USP13: variants seen among roughly 807,000 people sequenced by gnomAD.
USP13 encodes ubiquitin carboxyl-terminal hydrolase 13.
USP13 carries 68 observed loss-of-function variants against 107.8 expected under a neutral mutation model. The observed-to-expected ratio is 0.63, with a 90% CI of 0.52 to 0.77. USP13 has a LOEUF of 0.77. Among genes scored for constraint, USP13 ranks in the 30% least tolerant of loss-of-function variants. USP13 has a pLI of 0.00. For synonymous variants in USP13, 377 were observed against 389.5 expected (o/e 0.97, Z 0.38); for missense variants, 945 against 1,093.3 (o/e 0.86, Z 1.91).
intron 20 of USP13, among the ~76,000 whole-genome samples, chr3:179,783,595 A>G (rs1360992319): frequency 5.3e-5 from 8 of 152,200 alleles, no homozygotes; most frequent in Non-Finnish European, 8.8e-5. Flanking sequence ...CTTTGACTCA[A>G]TTTCTCAGGC....
At chr3:179,765,052 T>A (rs1205771462) in intron 18 of USP13, among the ~76,000 whole-genome samples, 1 of 152,256 alleles carries the variant, frequency 6.6e-6, no homozygotes, top group Non-Finnish European at 1.5e-5. Context: ...CTATACAAAT[T>A]CTTTAACCTG....
At chr3:179,684,642 T>C (rs1269704040) in intron 2 of USP13, among the ~76,000 whole-genome samples, 1 of 152,234 alleles carries the variant, frequency 6.6e-6, no homozygotes, top group African/African-American at 2.4e-5. Context: ...ATATTTTAAC[T>C]TGCTGTTCAC....
intron 19 of USP13, among the ~76,000 whole-genome samples, chr3:179,779,406 C>A (rs1024949102): frequency 1.3e-5 from 2 of 151,772 alleles, no homozygotes; most frequent in Admixed American, 1.3e-4. Flanking sequence ...TGGTGGCACG[C>A]GCCTGTAACA....
At chr3:179,758,968 A>C (rs947783634) in intron 16 of USP13, among the ~76,000 whole-genome samples, 2 of 151,494 alleles carry the variant, frequency 1.3e-5, no homozygotes, top group Non-Finnish European at 2.9e-5. Flanking sequence ...TTTATTTTTC[A>C]CAAAAATGGA....
intron 4 of USP13, among the ~76,000 whole-genome samples, chr3:179,704,551 C>T (rs1009803816): frequency 2.0e-5 from 3 of 152,056 alleles, no homozygotes; most frequent in Non-Finnish European, 4.4e-5. Context: ...CGCTACTGAC[C>T]GATGACACTG....
intron 1 of USP13, among the ~76,000 whole-genome samples, chr3:179,657,604 A>C (rs969918323): frequency 4.0e-5 from 6 of 151,426 alleles, no homozygotes; most frequent in Admixed American, 1.3e-4. Context: ...CTACTAAAAA[A>C]AATACAAAAA....
rs1430582182 is a variant in USP13, at chr3:179,764,016, C to T, written c.2107C>T (p.Leu703=). 1 of 1,611,704 alleles carries T rather than the reference C, an allele frequency of 6.2e-7. No homozygotes were observed. Among genetic ancestry groups the T allele is most frequent in the Admixed American group, 1.7e-5 (1 of 59,694 alleles). Residue 703 remains leucine, a synonymous_variant, in exon 18 of 21, where the codon CTG becomes TTG. Coordinates refer to ENST00000263966, the MANE Select transcript of USP13 (RefSeq NM_003940.3). ...HMEEPDFAEP[L]TMPGYGGAAS... is the part of the protein sequence containing the mutation. ...ATTTTTCTCAGATTTTGCTGAGCCG[C>T]TGACCATGCCTGGTTATGGAGGGGC...
At position 179,701,020 on chromosome 3, in the gene USP13, A is replaced by AT. The variant is rs1712496254; in HGVS notation, c.369dup (p.Asp124Ter). The AT allele has an allele frequency of 6.2e-7, 1 of 1,613,396 alleles. No individual in the cohort carries two copies. The highest frequency in any genetic ancestry group is 1.3e-5 in the African/African-American group (1 of 74,852). ...GTTTTCTCCTCAGATCTAGATACTGATGACGATTTAAATAGCGACGATTAT... is the reference window on the plus strand; with the variant it reads ...GTTTTCTCCTCAGATCTAGATACTGATTGACGATTTAAATAGCGACGATTAT... On this transcript the variant is annotated frameshift_variant, in exon 4 of 21. Coordinates refer to ENST00000263966, the MANE Select transcript of USP13 (RefSeq NM_003940.3). LOFTEE classifies it high-confidence loss of function.
intron 19 of USP13, 73 bp downstream of exon 19, chr3:179,765,921 C>T: frequency 2.0e-6 from 3 of 1,482,596 alleles, no homozygotes; most frequent in Non-Finnish European, 2.7e-6. Flanking sequence ...CCTCCCACCA[C>T]AACATAGTCA....
chr3:179,760,766 C>A (rs1263137905), intron 16 of USP13, among the ~76,000 whole-genome samples: 1 of 152,130 alleles, frequency 6.6e-6, no homozygotes, highest in Non-Finnish European at 1.5e-5. Context: ...GCTTTCTGTT[C>A]AAGTTTCAGT....
intron 3 of USP13, among the ~76,000 whole-genome samples, chr3:179,693,387 A>G (rs994084406): frequency 6.6e-6 from 1 of 152,138 alleles, no homozygotes; most frequent in Non-Finnish European, 1.5e-5. Context: ...TTCTATGCTC[A>G]AGCAATCTTC....
chr3:179,663,835 C>T lies in USP13; in HGVS notation c.168+10442C>T, dbSNP rs116218378. The stretch of plus-strand genomic sequence containing the variant: ...CTCCATGTGCTTGCTCATGCTCTTG[C>T]GTTGGCCTGGAATGCATTCTCTCAC... On this transcript the variant is annotated intron_variant, in intron 1 of 20. Coordinates refer to ENST00000263966, the MANE Select transcript of USP13 (RefSeq NM_003940.3). 2.8e-3 allele frequency among the ~76,000 whole-genome samples: 427 copies of T among 152,292 alleles called. 6 individuals carry two copies. Among genetic ancestry groups the T allele is most frequent in the African/African-American group, 9.5e-3 (396 of 41,542 alleles).
intron 13 of USP13, among the ~76,000 whole-genome samples, chr3:179,745,780 A>G (rs1274844080): frequency 6.6e-6 from 1 of 152,204 alleles, no homozygotes; most frequent in Non-Finnish European, 1.5e-5. Flanking sequence ...GGAGACTAGG[A>G]GTCTCAGGAC....
At chr3:179,746,420 A>G (rs1714409899) in intron 13 of USP13, among the ~76,000 whole-genome samples, 6 of 144,428 alleles carry the variant, frequency 4.2e-5, no homozygotes, top group Non-Finnish European at 6.0e-5. Context: ...AGCCCGGCTA[A>G]TTTTTGTATA....
At chr3:179,724,500 TAAAG>T (rs1186803829) in intron 8 of USP13, among the ~76,000 whole-genome samples, 2 of 148,478 alleles carry the variant, frequency 1.3e-5, no homozygotes, top group African/African-American at 2.5e-5. Flanking sequence ...ATAAGAAAAT[TAAAG>T]AAAGGAAAGA....
chr3:179,702,609 C>G (rs1181414806), intron 4 of USP13, among the ~76,000 whole-genome samples: 1 of 152,176 alleles, frequency 6.6e-6, no homozygotes, highest in Non-Finnish European at 1.5e-5. Context: ...TTCCCTTTTG[C>G]CCCAATCTAC....
intron 6 of USP13, among the ~76,000 whole-genome samples, chr3:179,709,644 A>G (rs956589343): frequency 1.3e-5 from 2 of 152,216 alleles, no homozygotes; most frequent in Non-Finnish European, 2.9e-5. Context: ...GAAAAAGGCA[A>G]TAATATCAGG....
At chr3:179,693,059 A>G (rs958733714) in intron 3 of USP13, among the ~76,000 whole-genome samples, 4 of 152,228 alleles carry the variant, frequency 2.6e-5, no homozygotes, top group Non-Finnish European at 4.4e-5. Context: ...TAATTTAAAA[A>G]TGAATGCCAT....
chr3:179,720,581 C>A (rs562727496), intron 7 of USP13, among the ~76,000 whole-genome samples: 2 of 152,170 alleles, frequency 1.3e-5, no homozygotes, highest in Non-Finnish European at 2.9e-5. Flanking sequence ...CCCTTTCCTT[C>A]CAGGTCGCCT....
Sources: gnomAD v4.1 joint callset for allele counts (sites outside exome capture counted in the v4.1 genomes callset) on GRCh38, gnomAD v4.1.1 for gene constraint, MANE v1.5 for transcripts, NCBI Gene and HGNC (gene_info 2026-07-23, HGNC 2026-07-21) for gene names.